Variants in ILRUN observed in about 807,000 individuals in gnomAD.
The protein encoded by ILRUN is protein ILRUN.
Under a neutral mutation model 33.8 loss-of-function variants are expected in ILRUN, and 3 were observed. The observed-to-expected ratio is 0.09, with a 90% CI of 0.04 to 0.23. ILRUN has a LOEUF of 0.23. Among genes scored for constraint, ILRUN ranks in the 10% least tolerant of loss-of-function variants. ILRUN has a pLI of 1.00. For missense variants in ILRUN, 210 were observed against 375.1 expected (o/e 0.56, Z 3.64); for synonymous variants, 124 against 138.9 (o/e 0.89, Z 0.75).
Position 34,654,635 on chromosome 6 carries a change from G to A in ILRUN, c.303C>T (p.Ile101=). The change falls in exon 2 of 5, where the codon ATC becomes ATT. Residue 101 remains isoleucine, a synonymous_variant. Transcript: ENST00000374023. ...CCATTATGTACTTACCAGAATTCTG[G>A]ATCCGCCATGTTTTTACAAACTGAG... The part of the protein sequence containing the change: ...PDTQFVKTWR[I]QNSGAEAWPP... 1 of 1,610,656 alleles carries A rather than the reference G, an allele frequency of 6.2e-7. No homozygotes were observed. Among genetic ancestry groups the A allele is most frequent in the South Asian group, 1.1e-5 (1 of 90,294 alleles).
intron 3 of ILRUN, among the ~76,000 whole-genome samples, chr6:34,638,324 ATATTT>A (rs1188061337): frequency 6.6e-6 from 1 of 152,226 alleles, no homozygotes; most frequent in Non-Finnish European, 1.5e-5. Context: ...TCATAACATA[ATATTT>A]TAGAATTTCA....
At chr6:34,689,103 T>C (rs1373485378) in intron 1 of ILRUN, among the ~76,000 whole-genome samples, 2 of 152,152 alleles carry the variant, frequency 1.3e-5, no homozygotes, top group East Asian at 3.8e-4. Flanking sequence ...TGAAAAAGTT[T>C]AGAAACAAGA....
At chr6:34,643,876 ATTT>A (rs1762519889) in intron 3 of ILRUN, among the ~76,000 whole-genome samples, 2 of 152,026 alleles carry the variant, frequency 1.3e-5, no homozygotes, top group South Asian at 4.1e-4. Context: ...TAATTTTTGT[ATTT>A]TTAGTAGAGA....
chr6:34,595,958 AAC>A, intron 4 of ILRUN: 1 of 972,116 alleles, frequency 1.0e-6, no homozygotes, highest in Non-Finnish European at 1.2e-6. Flanking sequence ...ACTGAATGCA[AAC>A]ACAGAAGAAT....
At chr6:34,653,132 C>CAAAAAAAAAA (rs947213125) in intron 2 of ILRUN, among the ~76,000 whole-genome samples, 3 of 51,218 alleles carry the variant, frequency 5.9e-5, no homozygotes, top group African/African-American at 1.2e-4. Context: ...GACCTTGTCT[C>CAAAAAAAAAA]AAAAAAAAAA....
chr6:34,676,240 C>CA (rs34017008), intron 1 of ILRUN, among the ~76,000 whole-genome samples: 235 of 143,382 alleles, frequency 1.6e-3, no homozygotes, highest in Middle Eastern at 7.2e-3. Context: ...ATTGTCTCTA[C>CA]AAAAAAAAAA....
chr6:34,606,984 A>G (rs1250323610), intron 3 of ILRUN, 80 bp from the exon 4 acceptor site: 2 of 1,036,032 alleles, frequency 1.9e-6, no homozygotes, highest in Non-Finnish European at 2.8e-6. Flanking sequence ...AACCCCAAAC[A>G]TTATCCAAAC....
chr6:34,660,072 C>T (rs186062058), intron 1 of ILRUN, among the ~76,000 whole-genome samples: 1 of 151,284 alleles, frequency 6.6e-6, no homozygotes, highest in East Asian at 1.9e-4. Flanking sequence ...GGCGCAGAGG[C>T]AGGTGGATCA....
At chr6:34,632,553 ATT>A (rs1219435236) in intron 3 of ILRUN, among the ~76,000 whole-genome samples, 15 of 136,690 alleles carry the variant, frequency 1.1e-4, no homozygotes, top group Middle Eastern at 3.7e-3. Context: ...AGAGCAAATA[ATT>A]TTTTTTTTTT....
chr6:34,683,460 A>G (rs1763431292), intron 1 of ILRUN, among the ~76,000 whole-genome samples: 1 of 115,876 alleles, frequency 8.6e-6, no homozygotes, highest in African/African-American at 4.3e-5. Context: ...ATACATATAT[A>G]TACATATATA....
intron 1 of ILRUN, among the ~76,000 whole-genome samples, chr6:34,690,691 C>T (rs1052008871): frequency 6.6e-6 from 1 of 152,036 alleles, no homozygotes; most frequent in Non-Finnish European, 1.5e-5. Flanking sequence ...TTAATAGAAG[C>T]GTTCTGGCCT....
chr6:34,683,480 A>C (rs1041567268), intron 1 of ILRUN, among the ~76,000 whole-genome samples: 1 of 106,844 alleles, frequency 9.4e-6, no homozygotes, highest in African/African-American at 4.9e-5. Flanking sequence ...ATACACATAT[A>C]TATATACATA....
In ILRUN at chr6:34,592,516, G is replaced by T. The variant is rs205266; in HGVS notation, c.862-1916C>A. ...GATTCCATTTTGCAAGTCCTGGTAG[G>T]GGGGGTCCCATACATCAGAGGTATC... On this transcript the variant is annotated intron_variant, in intron 4 of 4. Coordinates refer to ENST00000374023, the MANE Select transcript of ILRUN (RefSeq NM_024294.4). The surrounding 1 kb of genome is among the most constrained non-coding windows in gnomAD (Gnocchi z 4.0). 2.0e-5 allele frequency among the ~76,000 whole-genome samples: 3 copies of T among 152,118 alleles called. No homozygotes were observed. Among genetic ancestry groups the T allele is most frequent in the South Asian group, 4.1e-4 (2 of 4,830 alleles).
chr6:34,646,731 G>A lies in ILRUN; in HGVS notation c.381C>T (p.Asn127=). 1.2e-6 allele frequency: 2 copies of A among 1,614,088 alleles called. No individual in the cohort carries two copies. Among genetic ancestry groups the A allele is most frequent in the Non-Finnish European group, 1.7e-6 (2 of 1,180,026 alleles). Residue 127 remains asparagine (N), a synonymous_variant, in exon 3 of 5, where the codon AAC becomes AAT. Coordinates refer to ENST00000374023, the MANE Select transcript of ILRUN (RefSeq NM_024294.4). The surrounding 1 kb of genome is among the most constrained non-coding windows in gnomAD (Gnocchi z 4.9). ...GCTCTAGCGATCTCACCATCACCAT[G>A]TTCACATGTCCAAATTGGTCTCCCC... ...YVGGDQFGHV[N]MVMVRSLEPQ...
At chr6:34,681,426 G>T (rs1311482037) in intron 1 of ILRUN, among the ~76,000 whole-genome samples, 1 of 152,048 alleles carries the variant, frequency 6.6e-6, no homozygotes, top group Non-Finnish European at 1.5e-5. Context: ...TCCAACAAGT[G>T]AAAAACGTAT....
chr6:34,623,893 A>G (rs1762059643), intron 3 of ILRUN, among the ~76,000 whole-genome samples: 2 of 151,890 alleles, frequency 1.3e-5, no homozygotes, highest in South Asian at 2.1e-4. Context: ...GTGCAGTGTC[A>G]CAATCTCGGC....
chr6:34,638,078 G>T (rs1762402404), intron 3 of ILRUN, among the ~76,000 whole-genome samples: 1 of 151,904 alleles, frequency 6.6e-6, no homozygotes, highest in African/African-American at 2.4e-5. Context: ...GGTAGAGATG[G>T]AGTTTCACCA....
chr6:34,614,367 A>G (rs1190168879), intron 3 of ILRUN, among the ~76,000 whole-genome samples: 4 of 151,044 alleles, frequency 2.6e-5, no homozygotes, highest in African/African-American at 9.8e-5. Flanking sequence ...GCTTGTAGTG[A>G]GCAGAGGCCA....
chr6:34,614,550 T>A (rs1242324130), intron 3 of ILRUN, among the ~76,000 whole-genome samples: 1 of 148,198 alleles, frequency 6.7e-6, no homozygotes, highest in Non-Finnish European at 1.5e-5. Context: ...TACATATAAG[T>A]GGGAGAGAAG....
Sources: allele counts gnomAD v4.1 joint callset (sites outside exome capture counted in the v4.1 genomes callset), GRCh38; gene constraint gnomAD v4.1.1; non-coding constraint Gnocchi (gnomAD v3.1); transcripts MANE v1.5; gene names NCBI Gene and HGNC (gene_info 2026-07-23, HGNC 2026-07-21).